The following PLP1 variants were observed in gnomAD, a reference collection of about 807,000 sequenced individuals.
PLP1 encodes the protein proteolipid protein 1.
In PLP1, 2 loss-of-function variants were observed where a neutral mutation model predicts 18.5. The ratio of observed to expected loss-of-function variants is 0.11; its 90% CI spans 0.04 to 0.34. The LOEUF is 0.34. Among genes scored for constraint, PLP1 ranks in the 10% least tolerant of loss-of-function variants. The pLI is 1.00. For missense variants in PLP1, 105 were observed against 207.3 expected (o/e 0.51, Z 3.03); for synonymous variants, 86 against 83.2 (o/e 1.03, Z -0.19).
rs976798650 is a variant in PLP1 at position 103,792,462 on chromosome X, C to T, written c.*1864C>T. On this transcript the variant is annotated 3_prime_UTR_variant, in exon 7 of 7. Coordinates refer to ENST00000621218, the MANE Select transcript of PLP1 (RefSeq NM_000533.5). ...TCACATGCATACATACACATATATA[C>T]ACACACAAAGAGAGTTAATCAACTG... 18 of 112,653 alleles carry T rather than the reference C, an allele frequency of 1.6e-4. No individual in the cohort carries two copies. Among genetic ancestry groups the T allele is most frequent in the Admixed American group, 2.8e-4 (3 of 10,607 alleles). 9.3% of individuals were successfully genotyped at this position (112,653 alleles called of 1,213,427 possible).
At chrX:103,783,265 C>A (rs2074468630) in intron 1 of PLP1, among the ~76,000 whole-genome samples, 1 of 112,153 alleles carries the variant, frequency 8.9e-6, no homozygotes, top group Non-Finnish European at 1.9e-5. Context: ...CACCCATGGG[C>A]CAGCTCTGAA....
At chrX:103,784,149 G>A (rs2074475464) in intron 1 of PLP1, among the ~76,000 whole-genome samples, 1 of 111,545 alleles carries the variant, frequency 9.0e-6, no homozygotes, top group Admixed American at 9.5e-5. Flanking sequence ...GAACACAGCT[G>A]CTTTCAGAGC....
At chrX:103,780,450 T>TGCGTGTGTGTGTGTGTGC (rs2147756696) in intron 1 of PLP1, among the ~76,000 whole-genome samples, 1 of 110,342 alleles carries the variant, frequency 9.1e-6, no homozygotes, top group Admixed American at 9.7e-5. Context: ...TGTGTGTGTG[T>TGCGTGTGTGTGTGTGTGC]GTGTGTGTGT....
chrX:103,789,426 A>G, intron 6 of PLP1, 28 bp downstream of exon 6: 1 of 1,084,498 alleles, frequency 9.2e-7, no homozygotes, highest in Non-Finnish European at 1.3e-6. Flanking sequence ...GATCTTGGCA[A>G]GTAAATAGGC....
At chrX:103,780,130 G>A (rs1187751602) in intron 1 of PLP1, 1 of 112,978 alleles carries the variant, frequency 8.9e-6, no homozygotes, top group African/African-American at 3.2e-5. Flanking sequence ...CTATCTCTCA[G>A]CTCTGCACTG....
chrX:103,788,604 TTTGCTGGATTTTGAA>T, intron 5 of PLP1, 94 bp downstream of exon 5: 8 of 718,488 alleles, frequency 1.1e-5, no homozygotes, highest in Non-Finnish European at 1.8e-5. Context: ...AAAGTTTCCC[TTTGCTGGATTTTGAA>T]TTAGCCGATT....
At chrX:103,778,270 T>C (rs1489327954) in intron 1 of PLP1, among the ~76,000 whole-genome samples, 1 of 112,437 alleles carries the variant, frequency 8.9e-6, no homozygotes, top group Non-Finnish European at 1.9e-5. Context: ...GCAAGATCTA[T>C]AACAACTGTA....
In PLP1 at chrX:103,786,616, G is replaced by A. The variant is rs2147764456; in HGVS notation, c.343G>A (p.Ala115Thr). ...CACCATCTGCGGCAAGGGCCTGAGC[G>A]CAACGGTAACAGGGGGCCAGAAGGG... ...KTTICGKGLS[A>T]TVTGGQKGRG... Residue 115 changes from alanine to threonine, a missense_variant, in exon 3 of 7, where the codon GCA becomes ACA. By Grantham distance (58) the Ala-to-Thr change is moderately conservative. Coordinates refer to ENST00000621218, the MANE Select transcript of PLP1 (RefSeq NM_000533.5). 1 of 1,211,595 alleles carries A rather than the reference G, an allele frequency of 8.3e-7. No individual in the cohort carries two copies. Among genetic ancestry groups the A allele is most frequent in the Non-Finnish European group, 1.1e-6 (1 of 895,294 alleles).
chrX:103,785,793 AC>A, intron 2 of PLP1, 25 bp downstream of exon 2: 1 of 1,157,274 alleles, frequency 8.6e-7, no homozygotes, highest in Non-Finnish European at 1.2e-6. Context: ...TCCCACACAG[AC>A]CCATCTTTTT....
At chrX:103,788,248 G>A (rs1435612546) in intron 4 of PLP1, among the ~76,000 whole-genome samples, 189 bp from the exon 5 acceptor site, 2 of 111,743 alleles carry the variant, frequency 1.8e-5, no homozygotes, top group Admixed American at 9.5e-5. Flanking sequence ...ACAAACACAA[G>A]GTTTCACCAC....
intron 1 of PLP1, among the ~76,000 whole-genome samples, chrX:103,781,490 G>A (rs1260915303): frequency 5.3e-5 from 6 of 112,217 alleles, no homozygotes; most frequent in East Asian, 5.6e-4. Flanking sequence ...ACACAACTTC[G>A]TTATATCCAT....
intron 1 of PLP1, among the ~76,000 whole-genome samples, chrX:103,784,667 G>A (rs2147761676): frequency 8.9e-6 from 1 of 112,151 alleles, no homozygotes; most frequent in South Asian, 3.7e-4. Flanking sequence ...CTAAAATCCT[G>A]TCTGACAATA....
intron 1 of PLP1, 41 bp downstream of exon 1, chrX:103,777,040 A>T (rs979585114): frequency 8.8e-7 from 1 of 1,138,679 alleles, no homozygotes; most frequent in Non-Finnish European, 1.2e-6. Context: ...TCAAGAGGAC[A>T]CAGGAATTCA....
At position 103,776,974 on chromosome X, in the gene PLP1, T is replaced by C. The variant is rs749939050; in HGVS notation, c.-22T>C. ...AAGCAGACTAGCCAGCCGGCTACAATTGGAGTCAGAGTCCCAAAGACATGG... is the reference window on the plus strand; with the variant it reads ...AAGCAGACTAGCCAGCCGGCTACAACTGGAGTCAGAGTCCCAAAGACATGG... On this transcript the variant is annotated 5_prime_UTR_variant, in exon 1 of 7. Coordinates refer to ENST00000621218, the MANE Select transcript of PLP1 (RefSeq NM_000533.5). 17 of 1,202,851 alleles carry C rather than the reference T, an allele frequency of 1.4e-5. No individual in the cohort carries two copies. The highest frequency in any genetic ancestry group is 5.9e-5 in the East Asian group (2 of 33,756).
In PLP1 at chrX:103,788,805, T is replaced by G. The variant is rs2294152; in HGVS notation, c.696+295T>G. 84,515 of 346,977 alleles carry G rather than the reference T, an allele frequency of 0.24. 8,340 individuals carry two copies. Among genetic ancestry groups the G allele is most frequent in the Admixed American group, 0.34 (7,020 of 20,621 alleles). 28.6% of individuals were successfully genotyped at this position (346,977 alleles called of 1,213,427 possible). On this transcript the variant is annotated intron_variant, in intron 5 of 6. Transcript: ENST00000621218. ...AATGGCAAAATCCCCCACATGAAAA[T>G]TTTCATTCCTTTAGTTAAAAACCAT...
intron 2 of PLP1, chrX:103,786,064 G>A (rs1319676485): frequency 9.5e-7 from 1 of 1,049,699 alleles, no homozygotes; most frequent in Non-Finnish European, 1.2e-6. Flanking sequence ...CTCCAGCGTA[G>A]TAGGTATGGA....
chrX:103,786,452 C>A lies in PLP1; in HGVS notation c.192-13C>A. The A allele has an allele frequency of 1.7e-6, 2 of 1,205,870 alleles. No individual in the cohort carries two copies. Among genetic ancestry groups the A allele is most frequent in the Non-Finnish European group, 2.2e-6 (2 of 890,246 alleles). The stretch of plus-strand genomic sequence containing the variant: ...AAGATTCCCTGGTCTCGTTTGTCTA[C>A]CTGTTAATGCAGGATCCATGCCTTC... On this transcript the variant is annotated splice_polypyrimidine_tract_variant and intron_variant, in intron 2 of 6. Coordinates refer to ENST00000621218, the MANE Select transcript of PLP1 (RefSeq NM_000533.5).
intron 5 of PLP1, chrX:103,788,829 A>G (rs933846082): frequency 3.0e-6 from 1 of 331,349 alleles, no homozygotes; most frequent in Admixed American, 4.9e-5. Context: ...GTTAAAAACC[A>G]TATCAAGAAA....
chrX:103,790,786 T>A lies in PLP1; in HGVS notation c.*188T>A, dbSNP rs1251164139. ...TTTGGACTCTCCCCTCTTATGTACC[T>A]CTTTTAGTCATTTTGCTTCATAGCT... On this transcript the variant is annotated 3_prime_UTR_variant, in exon 7 of 7. Transcript: ENST00000621218. The A allele has an allele frequency of 2.2e-6, 1 of 457,589 alleles. No individual in the cohort carries two copies. Among genetic ancestry groups the A allele is most frequent in the Non-Finnish European group, 3.9e-6 (1 of 258,322 alleles). 37.7% of individuals were successfully genotyped at this position (457,589 alleles called of 1,213,427 possible).
Sources: gnomAD v4.1 joint callset for allele counts (sites outside exome capture counted in the v4.1 genomes callset) on GRCh38, gnomAD v4.1.1 for gene constraint, MANE v1.5 for transcripts, NCBI Gene and HGNC (gene_info 2026-07-23, HGNC 2026-07-21) for gene names.